ATP11C: variants seen among roughly 807,000 people sequenced by gnomAD.
ATP11C encodes phospholipid-transporting ATPase IG.
ATP11C carries 36 observed loss-of-function variants against 97.4 expected under a neutral mutation model. The ratio of observed to expected loss-of-function variants is 0.37; its 90% confidence interval spans 0.28 to 0.49. The LOEUF (loss-of-function observed/expected upper bound fraction) is 0.49. Ranked by LOEUF, ATP11C falls within the 20% of genes least tolerant of loss-of-function variation. The pLI, the probability that ATP11C is intolerant of heterozygous loss-of-function variation, is 0.98. For synonymous variants in ATP11C, 275 were observed against 290.9 expected (o/e 0.95, Z 0.56); for missense variants, 730 against 824.6 (o/e 0.89, Z 1.40).
intron 1 of ATP11C, among the ~76,000 whole-genome samples, chrX:139,885,291 C>G (rs1432711502): frequency 2.7e-5 from 3 of 110,777 alleles, no homozygotes; most frequent in African/African-American, 3.3e-5. Context: ...CGCCCCCCCA[C>G]CACCCTGCCA....
intron 1 of ATP11C, among the ~76,000 whole-genome samples, chrX:139,842,081 G>T (rs868053924): frequency 8.9e-6 from 1 of 112,399 alleles, no homozygotes; most frequent in South Asian, 3.7e-4. Context: ...GCCCAGGCTG[G>T]AGTGCAGTGG....
Position 139,728,855 on chromosome X carries a change from C to G in ATP11C, c.*111G>C. 9.5e-7 allele frequency: 1 copy of G among 1,054,125 alleles called. No individual in the cohort carries two copies. Among genetic ancestry groups the G allele is most frequent in the Non-Finnish European group, 1.3e-6 (1 of 756,460 alleles). 86.9% of individuals were successfully genotyped at this position (1,054,125 alleles called of 1,213,427 possible). On this transcript the variant is annotated 3_prime_UTR_variant, in exon 30 of 30. Coordinates refer to ENST00000682941, the MANE Select transcript of ATP11C (RefSeq NM_001353812.2). Reference sequence around the variant, plus strand: ...GTTTAGTGTGTTGCGTATCAAGTATCCTGAGATGATAACTTTTTGTAGTTG... The same window carrying G: ...GTTTAGTGTGTTGCGTATCAAGTATGCTGAGATGATAACTTTTTGTAGTTG...
At chrX:139,805,038 T>C (rs1215855229) in intron 5 of ATP11C, among the ~76,000 whole-genome samples, 1 of 111,841 alleles carries the variant, frequency 8.9e-6, no homozygotes, top group African/African-American at 3.3e-5. Flanking sequence ...TGGTAACAAC[T>C]GTGTTGTTGG....
At chrX:139,836,026 CAAAAAAAA>C (rs755398033) in intron 1 of ATP11C, among the ~76,000 whole-genome samples, 2 of 28,682 alleles carry the variant, frequency 7.0e-5, no homozygotes, top group African/African-American at 1.7e-4. Flanking sequence ...GACTCCATCT[CAAAAAAAA>C]AAAAAAAAAA....
chrX:139,815,253 A>G (rs1163028698), intron 4 of ATP11C, among the ~76,000 whole-genome samples: 3 of 111,948 alleles, frequency 2.7e-5, no homozygotes, highest in Non-Finnish European at 5.7e-5. Flanking sequence ...GAGACTTAAT[A>G]TTTTCATGTG....
chrX:139,931,373 G>A (rs1052386746), intron 1 of ATP11C, among the ~76,000 whole-genome samples: 3 of 112,110 alleles, frequency 2.7e-5, no homozygotes, highest in African/African-American at 6.5e-5. Context: ...TCGGCAGCAC[G>A]GGCAGTGGCG....
At chrX:139,858,647 C>A (rs1016677374) in intron 1 of ATP11C, among the ~76,000 whole-genome samples, 2 of 112,180 alleles carry the variant, frequency 1.8e-5, no homozygotes, top group African/African-American at 6.5e-5. Context: ...TGTATTTATT[C>A]ATTTAGTCCT....
At chrX:139,871,037 T>C (rs1409402340) in intron 1 of ATP11C, among the ~76,000 whole-genome samples, 1 of 74,843 alleles carries the variant, frequency 1.3e-5, no homozygotes, top group African/African-American at 5.6e-5. Context: ...CAGTCCGACC[T>C]GGGCGACAGA....
chrX:139,757,784 T>C (rs776789528), intron 23 of ATP11C, 24 bp downstream of exon 23: 5 of 1,102,755 alleles, frequency 4.5e-6, no homozygotes, highest in Non-Finnish European at 4.9e-6. Flanking sequence ...AACTATATTA[T>C]AACGAATAAC....
intron 1 of ATP11C, among the ~76,000 whole-genome samples, chrX:139,840,477 T>C (rs1489486515): frequency 1.8e-5 from 2 of 112,664 alleles, no homozygotes; most frequent in Non-Finnish European, 3.7e-5. Context: ...GTTACAGCTA[T>C]TTCTATTTTT....
Position 139,788,248 on chromosome X carries a change from T to A in ATP11C, c.1464A>T (p.Glu488Asp), listed in dbSNP as rs1168194508. Residue 488 changes from glutamate (E) to aspartate (D), a missense_variant, in exon 14 of 30, where the codon GAA (glutamate) becomes GAT (aspartate). By Grantham distance (45) the Glu-to-Asp change is conservative. Transcript: ENST00000682941. Reference sequence around the variant, plus strand: ...CTGGTGAAGAGGAGATATAGGTTAATTCAGCTGATTCTGTAGCTCCATCAA... The same window carrying A: ...CTGGTGAAGAGGAGATATAGGTTAAATCAGCTGATTCTGTAGCTCCATCAA... ...DAVDGATESAELTYISSSPDE... is the reference protein window; with the variant it reads ...DAVDGATESADLTYISSSPDE... The A allele has an allele frequency of 3.3e-6, 4 of 1,206,863 alleles. No individual in the cohort carries two copies. Among genetic ancestry groups the A allele is most frequent in the Non-Finnish European group, 4.5e-6 (4 of 892,452 alleles).
chrX:139,911,888 T>C (rs957123336), intron 1 of ATP11C, among the ~76,000 whole-genome samples: 57 of 110,338 alleles, frequency 5.2e-4, no homozygotes, highest in African/African-American at 1.7e-3. Flanking sequence ...AAAAGAATCT[T>C]AGCAGGCCAG....
At chrX:139,819,835 G>A (rs1332998774) in intron 2 of ATP11C, among the ~76,000 whole-genome samples, 2 of 112,027 alleles carry the variant, frequency 1.8e-5, no homozygotes, top group Non-Finnish European at 3.8e-5. Flanking sequence ...TTGTTCACCT[G>A]TATTGTTTAC....
At chrX:139,913,312 T>C (rs1186615512) in intron 1 of ATP11C, among the ~76,000 whole-genome samples, 1 of 111,895 alleles carries the variant, frequency 8.9e-6, no homozygotes, top group Non-Finnish European at 1.9e-5. Flanking sequence ...AAGATTAATA[T>C]AATTAGATTT....
chrX:139,775,280 T>C (rs1184984204), intron 18 of ATP11C, among the ~76,000 whole-genome samples: 2 of 112,398 alleles, frequency 1.8e-5, no homozygotes, highest in African/African-American at 6.5e-5. Context: ...GCATGTTTCA[T>C]TTTATATCTA....
intron 1 of ATP11C, among the ~76,000 whole-genome samples, chrX:139,881,024 T>C (rs776150825): frequency 2.3e-4 from 26 of 111,809 alleles, no homozygotes; most frequent in Non-Finnish European, 3.8e-4. Context: ...CATGAACAAC[T>C]GACTTTGATA....
intron 22 of ATP11C, among the ~76,000 whole-genome samples, chrX:139,758,519 TG>T (rs2081979364): frequency 9.0e-6 from 1 of 111,544 alleles, no homozygotes; most frequent in Non-Finnish European, 1.9e-5. Flanking sequence ...CCAAAAAGGT[TG>T]GGGACCACTG....
chrX:139,816,242 A>G (rs2083286116), intron 4 of ATP11C, among the ~76,000 whole-genome samples: 1 of 111,949 alleles, frequency 8.9e-6, no homozygotes, highest in South Asian at 3.7e-4. Flanking sequence ...GTAAATAGTC[A>G]GATGCTGTGG....
At chrX:139,933,811 A>C (rs747573044), upstream of ATP11C, among the ~76,000 whole-genome samples, 4 of 112,240 alleles carry the variant, frequency 3.6e-5, no homozygotes, top group African/African-American at 6.5e-5. Context: ...CTTTGCTGGG[A>C]ATTTTCTTTG....
Sources: gnomAD v4.1 joint callset for allele counts (sites outside exome capture counted in the v4.1 genomes callset) on GRCh38, gnomAD v4.1.1 for gene constraint, MANE v1.5 for transcripts, NCBI Gene and HGNC (gene_info 2026-07-23, HGNC 2026-07-21) for gene names.